LIPT1: variants seen among roughly 807,000 people sequenced by gnomAD.
The protein encoded by LIPT1 is lipoyltransferase 1.
Under a neutral mutation model 25.1 loss-of-function variants are expected in LIPT1, and 22 were observed. That is an observed-to-expected ratio of 0.88 (90% CI 0.63 to 1.25). LIPT1 has a LOEUF of 1.25. Among genes scored for constraint, LIPT1 ranks in the 50% most tolerant of loss-of-function variants. The pLI is 0.00. For missense variants in LIPT1, 399 were observed against 432.8 expected, an observed-to-expected ratio of 0.92 and a Z score of 0.69; for synonymous variants, 131 against 150.8, an observed-to-expected ratio of 0.87 and a Z score of 0.96.
intron 1 of LIPT1, among the ~76,000 whole-genome samples, chr2:99,155,849 C>T (rs1574798758): frequency 6.6e-6 from 1 of 152,204 alleles, no homozygotes; most frequent in Non-Finnish European, 1.5e-5. Context: ...GTGTCTTCCC[C>T]AGAGCCCATT....
rs781562848 is a variant in LIPT1 at position 99,162,500 on chromosome 2, A to G, written c.543A>G (p.Leu181=). ...CTGCCTATCACCATTGCACTTTATTATGTAGTACTGATGGGACGTTCTTGT... is the reference window on the plus strand; with the variant it reads ...CTGCCTATCACCATTGCACTTTATTGTGTAGTACTGATGGGACGTTCTTGT... ...RTTAYHHCTL[L]CSTDGTFLSS... The change falls in exon 2 of 2, where the codon TTA becomes TTG. Residue 181 remains leucine, a synonymous_variant. Transcript: ENST00000651691. The G allele has an allele frequency of 1.5e-5, 24 of 1,614,018 alleles. No homozygotes were observed. The highest frequency in any genetic ancestry group is 3.3e-5 in the Admixed American group (2 of 60,004).
intron 1 of LIPT1, among the ~76,000 whole-genome samples, chr2:99,155,958 T>C (rs540172687): frequency 9.2e-5 from 14 of 152,360 alleles, no homozygotes; most frequent in African/African-American, 3.4e-4. Context: ...CAGTGAATAA[T>C]TGCACAGGCT....
rs747101102 is a variant in LIPT1, at chr2:99,162,428, T to C, written c.471T>C (p.Asp157=). Residue 157 remains aspartate, a synonymous_variant, in exon 2 of 2, where the codon GAT becomes GAC. Transcript: ENST00000651691. Reference sequence around the variant, plus strand: ...CCAAAAGATTTGACCTTTTACTTGATGGACAGTTTAAAATCTCAGGAACAG... The same window carrying C: ...CCAAAAGATTTGACCTTTTACTTGACGGACAGTTTAAAATCTCAGGAACAG... ...QATKRFDLLL[D]GQFKISGTAS... The C allele has an allele frequency of 4.3e-6, 7 of 1,613,882 alleles. No individual in the cohort carries two copies. In the African/African-American group the frequency reaches 5.3e-5, roughly 12 times the overall value.
chr2:99,160,173 G>A (rs1171333374), intron 1 of LIPT1, among the ~76,000 whole-genome samples: 1 of 152,198 alleles, frequency 6.6e-6, no homozygotes. Flanking sequence ...TTGGGAGGCT[G>A]AGGCAGGAGG....
In LIPT1 at chr2:99,162,703, A is replaced by G. The variant is rs2105201873; in HGVS notation, c.746A>G (p.Asn249Ser). The G allele has an allele frequency of 6.2e-7, 1 of 1,614,158 alleles. No individual in the cohort carries two copies. The highest frequency in any genetic ancestry group is 8.5e-7 in the Non-Finnish European group (1 of 1,180,030). Reference protein sequence around the residue: ...HQIDNHIHLINPTDETLFPGI... With the variant: ...HQIDNHIHLISPTDETLFPGI... ...ATTGATAATCACATTCACCTAATAA[A>G]CCCAACGGATGAGACACTGTTTCCT... is the stretch of plus-strand genomic sequence containing the variant. Residue 249 changes from asparagine to serine, a missense_variant, in exon 2 of 2, where the codon AAC becomes AGC. Asn to Ser is a conservative substitution (Grantham distance 46). Transcript: ENST00000651691.
chr2:99,155,138 C>A, intron 1 of LIPT1, 87 bp downstream of exon 1: 1 of 444,178 alleles, frequency 2.3e-6, no homozygotes, highest in Non-Finnish European at 4.5e-6. Flanking sequence ...CGCGGTGTTT[C>A]TGGCGGTGGG....
intron 1 of LIPT1, among the ~76,000 whole-genome samples, chr2:99,160,858 T>C (rs1287679149): frequency 6.6e-6 from 1 of 152,164 alleles, no homozygotes; most frequent in Non-Finnish European, 1.5e-5. Flanking sequence ...GAAATGTTCA[T>C]GAACACATCG....
rs1484421908 is a variant in LIPT1 at position 99,162,918 on chromosome 2, T to C, written c.961T>C (p.Leu321=). The C allele has an allele frequency of 6.2e-7, 1 of 1,613,564 alleles. No homozygotes were observed. Among genetic ancestry groups the C allele is most frequent in the African/African-American group, 1.3e-5 (1 of 74,910 alleles). Residue 321 remains leucine, a synonymous_variant, in exon 2 of 2, where the codon TTG becomes CTG. Coordinates refer to ENST00000651691, the MANE Select transcript of LIPT1 (RefSeq NM_145199.3). ...NIEAPDHWLP[L]EIRDKLNSSL... ...TGAAGCACCTGATCATTGGTTGCCA[T>C]TGGAAATACGTGACAAATTAAATTC...
chr2:99,160,418 G>T (rs1007776775), intron 1 of LIPT1, among the ~76,000 whole-genome samples: 3 of 152,122 alleles, frequency 2.0e-5, no homozygotes, highest in Non-Finnish European at 2.9e-5. Flanking sequence ...ACCTAGTTAT[G>T]AACTTTCTTT....
chr2:99,162,767 G>A lies in LIPT1; in HGVS notation c.810G>A (p.Glu270=). The A allele has an allele frequency of 6.2e-7, 1 of 1,614,140 alleles. No individual in the cohort carries two copies. The highest frequency in any genetic ancestry group is 8.5e-7 in the Non-Finnish European group (1 of 1,179,972). ...NSKAKELQTW[E]WIYGKTPKFS... is the part of the protein sequence containing the mutation. ...AAGCCAAAGAACTGCAAACTTGGGA[G>A]TGGATATATGGCAAAACTCCAAAGT... is the stretch of plus-strand genomic sequence containing the variant. The change falls in exon 2 of 2, where the codon GAG becomes GAA. Residue 270 remains glutamate, a synonymous_variant. Transcript: ENST00000651691.
chr2:99,161,543 A>G (rs1473857743), intron 1 of LIPT1: 1 of 152,846 alleles, frequency 6.5e-6, no homozygotes, highest in Non-Finnish European at 1.4e-5. Flanking sequence ...TGGCTTTAAG[A>G]TATAGGTAAT....
chr2:99,155,193 T>G (rs1482297547), intron 1 of LIPT1, 142 bp downstream of exon 1: 2 of 398,448 alleles, frequency 5.0e-6, no homozygotes, highest in Admixed American at 5.7e-5. Context: ...GCCTCTTGTG[T>G]GCACACTTTC....
At chr2:99,155,343 T>G (rs1219847376) in intron 1 of LIPT1, 1 of 373,746 alleles carries the variant, frequency 2.7e-6, no homozygotes. Flanking sequence ...AAGTAAAACA[T>G]GCACACGACC....
chr2:99,162,498 T>C lies in LIPT1; in HGVS notation c.541T>C (p.Leu181=), dbSNP rs2093803281. 1 of 1,614,182 alleles carries C rather than the reference T, an allele frequency of 6.2e-7. No homozygotes were observed. The highest frequency in any genetic ancestry group is 8.5e-7 in the Non-Finnish European group (1 of 1,180,022). ...TACTGCCTATCACCATTGCACTTTA[T>C]TATGTAGTACTGATGGGACGTTCTT... ...RTTAYHHCTL[L]CSTDGTFLSS... is the part of the protein sequence containing the mutation. The change falls in exon 2 of 2, where the codon TTA becomes CTA. Residue 181 remains leucine, a synonymous_variant. Transcript: ENST00000651691.
chr2:99,162,585 T>A lies in LIPT1; in HGVS notation c.628T>A (p.Ser210Thr). 6.2e-7 allele frequency: 1 copy of A among 1,614,132 alleles called. No homozygotes were observed. The highest frequency in any genetic ancestry group is 1.1e-5 in the South Asian group (1 of 91,080). Residue 210 changes from serine to threonine, a missense_variant, in exon 2 of 2, where the codon TCC becomes ACC. By Grantham distance (58) the Ser-to-Thr change is moderately conservative. Transcript: ENST00000651691. Reference sequence around the variant, plus strand: ...GAGCAATGCCACTGCTAGCATACCTTCCTTAGTGAAAAATCTTTTGGAAAA... The same window carrying A: ...GAGCAATGCCACTGCTAGCATACCTACCTTAGTGAAAAATCTTTTGGAAAA... ...IRSNATASIP[S>T]LVKNLLEKDP...
chr2:99,162,407 A>C lies in LIPT1; in HGVS notation c.450A>C (p.Lys150Asn). 6.2e-7 allele frequency: 1 copy of C among 1,614,040 alleles called. No individual in the cohort carries two copies. Among genetic ancestry groups the C allele is most frequent in the Non-Finnish European group, 8.5e-7 (1 of 1,180,042 alleles). ...VQPQLDVQAT[K>N]RFDLLLDGQF... Reference sequence around the variant, plus strand: ...CCCAGCTGGATGTGCAGGCTACCAAAAGATTTGACCTTTTACTTGATGGAC... The same window carrying C: ...CCCAGCTGGATGTGCAGGCTACCAACAGATTTGACCTTTTACTTGATGGAC... The change falls in exon 2 of 2, where the codon AAA (lysine) becomes AAC (asparagine). Residue 150 changes from lysine (K) to asparagine (N), a missense_variant. Transcript: ENST00000651691.
intron 1 of LIPT1, among the ~76,000 whole-genome samples, chr2:99,159,804 T>C (rs890778341): frequency 6.6e-6 from 1 of 152,152 alleles, no homozygotes; most frequent in African/African-American, 2.4e-5. Flanking sequence ...AGTATAGCCA[T>C]AGGCTTAAGT....
At chr2:99,155,414 G>C in intron 1 of LIPT1, 1 of 452,108 alleles carries the variant, frequency 2.2e-6, no homozygotes. Flanking sequence ...TAGGGTCTTG[G>C]CGAGGTCTTA....
Position 99,161,299 on chromosome 2 carries a change from T to A in LIPT1, c.-1-658T>A, listed in dbSNP as rs1271031078. On this transcript the variant is annotated intron_variant, in intron 1 of 1. Coordinates refer to ENST00000651691, the MANE Select transcript of LIPT1 (RefSeq NM_145199.3). ...AAAAAAAAAAAAAAAAAAATATATA[T>A]ATATATATATATATATATATATATA... 2.1e-3 allele frequency: 46 copies of A among 21,400 alleles called. 2 individuals are homozygous for A. Among genetic ancestry groups the A allele is most frequent in the South Asian group, 4.2e-3 (2 of 474 alleles). The allele number at this position is 21,400 out of a possible 1,614,324, so 1.3% of individuals were successfully genotyped here.
Sources: allele counts gnomAD v4.1 joint callset (sites outside exome capture counted in the v4.1 genomes callset), GRCh38; gene constraint gnomAD v4.1.1; transcripts MANE v1.5; gene names NCBI Gene and HGNC (gene_info 2026-07-23, HGNC 2026-07-21).